Variants in TMEM132C observed in about 807,000 individuals in gnomAD.
TMEM132C encodes the protein transmembrane protein 132C.
Under a neutral mutation model 61.4 loss-of-function variants are expected in TMEM132C, and 29 were observed. That is an observed-to-expected ratio of 0.47 (90% CI 0.35 to 0.64). TMEM132C has a LOEUF of 0.64. Ranked by LOEUF, TMEM132C falls within the 30% of genes least tolerant of loss-of-function variation. The probability of loss-of-function intolerance (pLI) is 0.00; values close to 1 mark genes in which losing one functional copy is unlikely to be tolerated. For synonymous variants in TMEM132C, 656 were observed against 633.1 expected (o/e 1.04, Z -0.54); for missense variants, 1,408 against 1,476.9 (o/e 0.95, Z 0.76).
At chr12:128,675,388 G>A (rs545811020) in intron 5 of TMEM132C, among the ~76,000 whole-genome samples, 4 of 152,288 alleles carry the variant, frequency 2.6e-5, no homozygotes, top group Admixed American at 2.0e-4. Context: ...CTGAGGTCAC[G>A]CAACTTGTAC....
chr12:128,269,935 G>C (rs1474413614), intron 1 of TMEM132C, among the ~76,000 whole-genome samples: 1 of 152,134 alleles, frequency 6.6e-6, no homozygotes, highest in African/African-American at 2.4e-5. Flanking sequence ...ATTTTTGACT[G>C]TGGATTTAGA....
intron 3 of TMEM132C, among the ~76,000 whole-genome samples, chr12:128,565,848 C>T (rs917686669): frequency 6.9e-5 from 10 of 145,246 alleles, no homozygotes; most frequent in African/African-American, 1.3e-4. Flanking sequence ...GCATGAAGGT[C>T]AGTAACATAA....
chr12:128,689,127 GT>G (rs1461956164), intron 5 of TMEM132C, among the ~76,000 whole-genome samples: 1 of 151,666 alleles, frequency 6.6e-6, no homozygotes, highest in Non-Finnish European at 1.5e-5. Flanking sequence ...CTTCTTTTCT[GT>G]TTTCTTTTTT....
chr12:128,370,803 C>T (rs964658456), intron 1 of TMEM132C, among the ~76,000 whole-genome samples: 1 of 151,898 alleles, frequency 6.6e-6, no homozygotes, highest in African/African-American at 2.4e-5. Flanking sequence ...CAGCACAGCT[C>T]CTAAAACTGG....
chr12:128,269,150 A>C (rs1013244047), intron 1 of TMEM132C, among the ~76,000 whole-genome samples: 1 of 152,030 alleles, frequency 6.6e-6, no homozygotes, highest in African/African-American at 2.4e-5. Context: ...TTCCCAACCT[A>C]CCTCCCAGCA....
At chr12:128,627,770 G>A (rs537259892) in intron 4 of TMEM132C, among the ~76,000 whole-genome samples, 1 of 152,272 alleles carries the variant, frequency 6.6e-6, no homozygotes, top group African/African-American at 2.4e-5. Flanking sequence ...GCTCTGCTCT[G>A]CAGTGTCCCA....
intron 5 of TMEM132C, among the ~76,000 whole-genome samples, chr12:128,678,742 G>A (rs1431041359): frequency 3.9e-5 from 6 of 152,182 alleles, no homozygotes; most frequent in Non-Finnish European, 8.8e-5. Context: ...AGTTAAGGAC[G>A]CTGCTTGTAC....
intron 4 of TMEM132C, among the ~76,000 whole-genome samples, chr12:128,646,374 A>C (rs1378561069): frequency 6.6e-6 from 1 of 151,876 alleles, no homozygotes; most frequent in African/African-American, 2.4e-5. Flanking sequence ...ACTGGAGTCC[A>C]TCAGCGTTGG....
chr12:128,506,357 A>C (rs1375898554), intron 2 of TMEM132C, among the ~76,000 whole-genome samples: 1 of 152,228 alleles, frequency 6.6e-6, no homozygotes, highest in Non-Finnish European at 1.5e-5. Flanking sequence ...AAAAAGAGGC[A>C]GGTGCTCAAG....
At chr12:128,463,095 T>C (rs1870597001) in intron 2 of TMEM132C, among the ~76,000 whole-genome samples, 1 of 152,184 alleles carries the variant, frequency 6.6e-6, no homozygotes, top group Admixed American at 6.5e-5. Flanking sequence ...CTATGACTTT[T>C]ATTCTTATCA....
rs2135665554 is a variant in TMEM132C, at chr12:128,707,506, C to A, written c.*1211C>A. ...ATAAAATCTATGTTAGATTGTCAAT[C>A]AACTGTGTTTTTGAACAGCATAATT... On this transcript the variant is annotated 3_prime_UTR_variant, in exon 9 of 9. Transcript: ENST00000435159. The A allele has an allele frequency of 6.6e-6, 1 of 152,330 alleles. No homozygotes were observed. The highest frequency in any genetic ancestry group is 2.1e-4 in the South Asian group (1 of 4,826). The allele number at this position is 152,330 out of a possible 1,614,324, so 9.4% of individuals were successfully genotyped here. A position where few individuals can be genotyped will look rare whatever the true frequency, so the allele number is the denominator to read the frequency against.
intron 4 of TMEM132C, among the ~76,000 whole-genome samples, chr12:128,646,102 A>T (rs1054245987): frequency 7.0e-6 from 1 of 142,370 alleles, no homozygotes; most frequent in African/African-American, 2.7e-5. Flanking sequence ...ACCTATCAGC[A>T]TTGGATGTGA....
chr12:128,327,732 C>G (rs1055934289), intron 1 of TMEM132C, among the ~76,000 whole-genome samples: 1 of 152,058 alleles, frequency 6.6e-6, no homozygotes, highest in Non-Finnish European at 1.5e-5. Context: ...CAATCAAATA[C>G]ATTTAAGAAA....
chr12:128,320,936 A>G (rs967982270), intron 1 of TMEM132C, among the ~76,000 whole-genome samples: 2 of 151,892 alleles, frequency 1.3e-5, no homozygotes, highest in Admixed American at 6.6e-5. Flanking sequence ...TGTGAGGCCC[A>G]TGCTCTAGGG....
intron 1 of TMEM132C, among the ~76,000 whole-genome samples, chr12:128,330,730 C>T (rs1289290909): frequency 6.6e-6 from 1 of 152,044 alleles, no homozygotes. Context: ...TCTCATGTCC[C>T]CACTCTGAAT....
chr12:128,606,099 A>G (rs1283856718), intron 3 of TMEM132C, among the ~76,000 whole-genome samples: 1 of 152,204 alleles, frequency 6.6e-6, no homozygotes, highest in Non-Finnish European at 1.5e-5. Context: ...GGCTATCTGA[A>G]GCCAAGACAC....
At chr12:128,626,379 C>T (rs1201214493) in intron 4 of TMEM132C, among the ~76,000 whole-genome samples, 4 of 151,644 alleles carry the variant, frequency 2.6e-5, no homozygotes, top group African/African-American at 4.9e-5. Context: ...ATCTGCCCAC[C>T]TCAGCCTCCC....
At chr12:128,588,996 C>A (rs1435819472) in intron 3 of TMEM132C, among the ~76,000 whole-genome samples, 1 of 152,196 alleles carries the variant, frequency 6.6e-6, no homozygotes, top group Non-Finnish European at 1.5e-5. Flanking sequence ...GGGCTGCAGA[C>A]TGGAGCTGCC....
At chr12:128,419,607 AG>A (rs1868916446) in intron 2 of TMEM132C, among the ~76,000 whole-genome samples, 1 of 150,980 alleles carries the variant, frequency 6.6e-6, no homozygotes, top group Admixed American at 6.6e-5. Context: ...AAGGAAAGAC[AG>A]GTCACTGTTT....
Sources: gnomAD v4.1 joint callset for allele counts (sites outside exome capture counted in the v4.1 genomes callset) on GRCh38, gnomAD v4.1.1 for gene constraint, MANE v1.5 for transcripts, NCBI Gene and HGNC (gene_info 2026-07-23, HGNC 2026-07-21) for gene names.